AGBL4: variants seen among roughly 807,000 people sequenced by gnomAD.
AGBL4 encodes cytosolic carboxypeptidase 6.
Under a neutral mutation model 66.4 loss-of-function variants are expected in AGBL4, and 58 were observed. The ratio of observed to expected loss-of-function variants is 0.87; its 90% CI spans 0.71 to 1.09. The LOEUF is 1.09. Among genes scored for constraint, AGBL4 ranks in the 50% least tolerant of loss-of-function variants. The pLI, the probability that AGBL4 is intolerant of heterozygous loss-of-function variation, is 0.00. For synonymous variants in AGBL4, 234 were observed against 222.9 expected (o/e 1.05, Z -0.44); for missense variants, 579 against 631.0 (o/e 0.92, Z 0.88).
intron 4 of AGBL4, among the ~76,000 whole-genome samples, chr1:49,071,653 G>A (rs771831559): frequency 3.3e-5 from 5 of 151,846 alleles, no homozygotes; most frequent in Non-Finnish European, 5.9e-5. Context: ...TGAGGAGTGT[G>A]TTGCTTCCAA....
chr1:49,017,400 C>G (rs1662900122), intron 5 of AGBL4, among the ~76,000 whole-genome samples: 2 of 152,160 alleles, frequency 1.3e-5, no homozygotes, highest in African/African-American at 4.8e-5. Flanking sequence ...ATTAGAGCAG[C>G]ACCTAGCACA....
At chr1:48,628,590 T>A (rs915013187) in intron 9 of AGBL4, among the ~76,000 whole-genome samples, 2 of 152,180 alleles carry the variant, frequency 1.3e-5, no homozygotes, top group Admixed American at 6.5e-5. Flanking sequence ...ATGGGCTTCC[T>A]CAGCCTGCAC....
At chr1:49,067,079 G>C (rs963521033) in intron 4 of AGBL4, among the ~76,000 whole-genome samples, 1 of 152,056 alleles carries the variant, frequency 6.6e-6, no homozygotes, top group South Asian at 2.1e-4. Flanking sequence ...TCCTGACCAC[G>C]GTAAGAAGTA....
intron 5 of AGBL4, among the ~76,000 whole-genome samples, chr1:48,897,350 A>G (rs1368463389): frequency 1.3e-5 from 2 of 152,200 alleles, no homozygotes; most frequent in Non-Finnish European, 2.9e-5. Context: ...TTCATTGTGC[A>G]TATGTACCAC....
At chr1:49,342,783 T>C (rs1445492302) in intron 3 of AGBL4, among the ~76,000 whole-genome samples, 1 of 152,200 alleles carries the variant, frequency 6.6e-6, no homozygotes, top group Non-Finnish European at 1.5e-5. Flanking sequence ...ATGAACAACT[T>C]CTGATTTCCT....
chr1:49,681,874 T>C (rs1017133921), intron 3 of AGBL4, among the ~76,000 whole-genome samples: 1 of 152,190 alleles, frequency 6.6e-6, no homozygotes, highest in Admixed American at 6.5e-5. Context: ...GTAAATGCCA[T>C]GCCTTTTTAA....
At chr1:49,996,078 A>G (rs978953395) in intron 1 of AGBL4, 1 of 152,172 alleles carries the variant, frequency 6.6e-6, no homozygotes, top group Non-Finnish European at 1.5e-5. Flanking sequence ...CTTAAGTCAA[A>G]TATCTTCCCC....
At chr1:49,239,004 G>A (rs1364971403) in intron 4 of AGBL4, among the ~76,000 whole-genome samples, 2 of 152,252 alleles carry the variant, frequency 1.3e-5, no homozygotes, top group African/African-American at 4.8e-5. Context: ...AGTTTTAGCT[G>A]CGCTCTAGAA....
intron 1 of AGBL4, among the ~76,000 whole-genome samples, chr1:49,983,119 G>A (rs1436102219): frequency 6.6e-6 from 1 of 152,224 alleles, no homozygotes; most frequent in Non-Finnish European, 1.5e-5. Flanking sequence ...CCAAATGGCA[G>A]GGCTGAAAGA....
chr1:48,652,641 G>A (rs983136067), intron 8 of AGBL4, among the ~76,000 whole-genome samples: 2 of 152,192 alleles, frequency 1.3e-5, no homozygotes, highest in African/African-American at 4.8e-5. Context: ...TACTGGCTGT[G>A]TGACTTTGGG....
In AGBL4 at chr1:49,554,268, G is replaced by A. The variant is rs185713063; in HGVS notation, c.282+143045C>T. On this transcript the variant is annotated intron_variant, in intron 3 of 13. Transcript: ENST00000371839. ...CAACAGTGCTATGCAGAGAAGTTCC[G>A]ATAAATAAGATTTCTTCCATGCCAA... Among the ~76,000 whole-genome samples the A allele has an allele frequency of 3.4e-3, 521 of 152,208 alleles. 5 individuals carry two copies. Among genetic ancestry groups the A allele is most frequent in the African/African-American group, 0.012 (499 of 41,536 alleles).
chr1:49,072,351 A>C (rs1644624065), intron 4 of AGBL4, among the ~76,000 whole-genome samples: 1 of 152,154 alleles, frequency 6.6e-6, no homozygotes, highest in African/African-American at 2.4e-5. Flanking sequence ...TGGTCTTTAC[A>C]ATGTGGCATG....
At chr1:49,203,792 G>A (rs1414237118) in intron 4 of AGBL4, among the ~76,000 whole-genome samples, 1 of 152,060 alleles carries the variant, frequency 6.6e-6, no homozygotes, top group Non-Finnish European at 1.5e-5. Context: ...CAACAAGAGC[G>A]AAACTCTGTC....
At chr1:49,399,513 C>T (rs915179680) in intron 3 of AGBL4, among the ~76,000 whole-genome samples, 1 of 152,086 alleles carries the variant, frequency 6.6e-6, no homozygotes, top group African/African-American at 2.4e-5. Context: ...TTTGTTATTG[C>T]TTGTCTTGTG....
chr1:48,666,915 C>T (rs1312545623), intron 6 of AGBL4, among the ~76,000 whole-genome samples: 1 of 152,204 alleles, frequency 6.6e-6, no homozygotes, highest in Non-Finnish European at 1.5e-5. Context: ...GAAATATCTA[C>T]TATTCTTAGA....
chr1:49,192,434 G>A (rs1044293308), intron 4 of AGBL4, among the ~76,000 whole-genome samples: 2 of 152,120 alleles, frequency 1.3e-5, no homozygotes, highest in Admixed American at 6.6e-5. Context: ...GAGTAGCTGG[G>A]ATTATAGGCA....
At chr1:49,636,778 T>C (rs963369130) in intron 3 of AGBL4, among the ~76,000 whole-genome samples, 14 of 152,216 alleles carry the variant, frequency 9.2e-5, no homozygotes, top group African/African-American at 3.4e-4. Flanking sequence ...TGATGTTTTA[T>C]TTGATTTATT....
chr1:49,621,704 T>C (rs915108569), intron 3 of AGBL4, among the ~76,000 whole-genome samples: 6 of 152,244 alleles, frequency 3.9e-5, no homozygotes, highest in Non-Finnish European at 5.9e-5. Context: ...TCTACTTTAC[T>C]TTTTACATAG....
chr1:49,168,827 A>G (rs1250855769), intron 4 of AGBL4, among the ~76,000 whole-genome samples: 1 of 152,158 alleles, frequency 6.6e-6, no homozygotes. Context: ...GTTGCATACC[A>G]TCCATCTCCT....
Sources: gnomAD v4.1 joint callset for allele counts (sites outside exome capture counted in the v4.1 genomes callset) on GRCh38, gnomAD v4.1.1 for gene constraint, MANE v1.5 for transcripts, NCBI Gene and HGNC (gene_info 2026-07-23, HGNC 2026-07-21) for gene names.